SRPK2: variants seen among roughly 807,000 people sequenced by gnomAD.
The protein encoded by SRPK2 is SFRS protein kinase 2.
A neutral mutation model predicts 90.8 loss-of-function variants in SRPK2; 21 were observed. That is an observed-to-expected ratio of 0.23 (90% confidence interval 0.16 to 0.33). SRPK2 has a LOEUF of 0.33. Ranked by LOEUF, SRPK2 falls within the 10% of genes least tolerant of loss-of-function variation. The pLI, the probability that SRPK2 is intolerant of heterozygous loss-of-function variation, is 1.00. For missense variants in SRPK2, 620 were observed against 869.0 expected (o/e 0.71, Z 3.60); for synonymous variants, 288 against 311.1 (o/e 0.93, Z 0.78).
intron 2 of SRPK2, among the ~76,000 whole-genome samples, chr7:105,375,892 C>A (rs1820218624): frequency 6.6e-6 from 1 of 151,358 alleles, no homozygotes. Flanking sequence ...AGGGCAAACA[C>A]CTGTAGTCCC....
At chr7:105,342,834 G>T (rs958106910) in intron 2 of SRPK2, among the ~76,000 whole-genome samples, 1 of 152,104 alleles carries the variant, frequency 6.6e-6, no homozygotes, top group Non-Finnish European at 1.5e-5. Flanking sequence ...GAAGAGGAAA[G>T]GAGGGACAAT....
At chr7:105,364,108 A>C (rs1818745304) in intron 2 of SRPK2, among the ~76,000 whole-genome samples, 3 of 152,108 alleles carry the variant, frequency 2.0e-5, no homozygotes, top group Middle Eastern at 3.2e-3. Context: ...GGGTGCAGCA[A>C]ACCAACATGG....
intron 7 of SRPK2, among the ~76,000 whole-genome samples, chr7:105,154,997 T>C (rs1806288799): frequency 6.6e-6 from 1 of 150,546 alleles, no homozygotes; most frequent in African/African-American, 2.4e-5. Context: ...TTTGTCTGTT[T>C]GAGTCAGAAT....
Position 105,356,527 on chromosome 7 carries a change from C to T in SRPK2, c.71+32121G>A, listed in dbSNP as rs188228939. Among the ~76,000 whole-genome samples, 350 of 152,172 alleles carry T rather than the reference C, an allele frequency of 2.3e-3. 6 individuals carry two copies. The highest frequency in any genetic ancestry group is 1.4e-3 in the Non-Finnish European group (97 of 68,014). ...CAGAATGCCCAATACACAATAAATACTTAATAAATGTTACTCACTATATTA... is the reference window on the plus strand; with the variant it reads ...CAGAATGCCCAATACACAATAAATATTTAATAAATGTTACTCACTATATTA... On this transcript the variant is annotated intron_variant, in intron 2 of 15. Transcript: ENST00000393651.
At chr7:105,167,327 T>C (rs1790204754) in intron 6 of SRPK2, 50 bp downstream of exon 6, 4 of 1,493,086 alleles carry the variant, frequency 2.7e-6, no homozygotes, top group Non-Finnish European at 3.7e-6. Context: ...TTGAAATATT[T>C]TCATTTTTTA....
At chr7:105,247,926 A>C (rs1280250063) in intron 2 of SRPK2, among the ~76,000 whole-genome samples, 2 of 149,182 alleles carry the variant, frequency 1.3e-5, no homozygotes, top group African/African-American at 5.1e-5. Context: ...GCTGGAGTGC[A>C]ATGGTGCAAC....
chr7:105,286,961 A>G (rs1808183619), intron 2 of SRPK2, among the ~76,000 whole-genome samples: 1 of 152,086 alleles, frequency 6.6e-6, no homozygotes, highest in Non-Finnish European at 1.5e-5. Context: ...CATAATATAC[A>G]GCATTTGAAA....
chr7:105,211,432 G>A lies in SRPK2; in HGVS notation c.72-7647C>T, dbSNP rs1199479819. ...AGAGATTTAATTGGCTCACAGTCCTGCAGGCTATACAGGAAGAATGATGCT... is the reference window on the plus strand; with the variant it reads ...AGAGATTTAATTGGCTCACAGTCCTACAGGCTATACAGGAAGAATGATGCT... On this transcript the variant is annotated intron_variant, in intron 2 of 15. Transcript: ENST00000393651. Among the ~76,000 whole-genome samples, 3 of 152,216 alleles carry A rather than the reference G, an allele frequency of 2.0e-5. No homozygotes were observed. The East Asian group carries it at 5.8e-4, about 29-fold the overall frequency.
At chr7:105,325,484 T>G (rs1315207725) in intron 2 of SRPK2, among the ~76,000 whole-genome samples, 2 of 21,016 alleles carry the variant, frequency 9.5e-5, no homozygotes, top group Non-Finnish European at 2.2e-4. Flanking sequence ...AAACCAAGTC[T>G]TCAAAAAAAA....
At chr7:105,147,720 A>C (rs1436086346) in intron 7 of SRPK2, among the ~76,000 whole-genome samples, 7 of 152,216 alleles carry the variant, frequency 4.6e-5, no homozygotes, top group South Asian at 2.1e-4. Flanking sequence ...TCTAACCCTT[A>C]GCAACCACTA....
intron 2 of SRPK2, among the ~76,000 whole-genome samples, chr7:105,352,770 G>A (rs866693820): frequency 2.6e-5 from 4 of 152,020 alleles, no homozygotes; most frequent in South Asian, 2.1e-4. Context: ...CTGTGGTGGC[G>A]CACGCCTGTA....
intron 2 of SRPK2, among the ~76,000 whole-genome samples, chr7:105,209,135 G>C (rs547933436): frequency 6.6e-6 from 1 of 152,316 alleles, no homozygotes; most frequent in East Asian, 1.9e-4. Context: ...GCTACATTCA[G>C]AGTGAAAATT....
intron 2 of SRPK2, among the ~76,000 whole-genome samples, chr7:105,362,193 A>C (rs546228343): frequency 6.6e-6 from 1 of 152,376 alleles, no homozygotes; most frequent in Non-Finnish European, 1.5e-5. Context: ...TCTCAAAAGA[A>C]GACATTTATG....
chr7:105,338,564 A>C (rs1815392001), intron 2 of SRPK2, among the ~76,000 whole-genome samples: 1 of 152,170 alleles, frequency 6.6e-6, no homozygotes, highest in South Asian at 2.1e-4. Flanking sequence ...GCAGATTTTT[A>C]AGATAATATG....
rs549872998 is a variant in SRPK2 at position 105,205,182 on chromosome 7, C to CA, written c.72-1398dup. Among the ~76,000 whole-genome samples, 658 of 151,858 alleles carry CA rather than the reference C, an allele frequency of 4.3e-3. 3 individuals carry two copies. The highest frequency in any genetic ancestry group is 6.8e-3 in the Middle Eastern group (2 of 294). ...ACCACTAATGCATGTGGCTTGCCAACAAAAAAACCCATACGGCCACAACTG... is the reference window on the plus strand; with the variant it reads ...ACCACTAATGCATGTGGCTTGCCAACAAAAAAAACCCATACGGCCACAACTG... On this transcript the variant is annotated intron_variant, in intron 2 of 15. Coordinates refer to ENST00000393651, the MANE Select transcript of SRPK2 (RefSeq NM_182692.3).
chr7:105,198,529 G>C (rs1795184355), intron 3 of SRPK2, among the ~76,000 whole-genome samples: 2 of 152,168 alleles, frequency 1.3e-5, no homozygotes, highest in African/African-American at 4.8e-5. Flanking sequence ...ATGTAAAAAA[G>C]ATAGGCAGTG....
chr7:105,170,745 GAGGAAGGAAGGA>G (rs534732760), intron 3 of SRPK2, among the ~76,000 whole-genome samples: 5 of 45,602 alleles, frequency 1.1e-4, no homozygotes, highest in East Asian at 1.6e-3. Context: ...GGAAGAAAGG[GAGGAAGGAAGGA>G]AGGAAGGAAG....
At chr7:105,226,915 C>T (rs1255230911) in intron 2 of SRPK2, among the ~76,000 whole-genome samples, 1 of 152,110 alleles carries the variant, frequency 6.6e-6, no homozygotes, top group East Asian at 1.9e-4. Context: ...GCACTCCAGC[C>T]TGGGTGACAG....
At chr7:105,281,950 A>G (rs1654996103) in intron 2 of SRPK2, among the ~76,000 whole-genome samples, 1 of 152,194 alleles carries the variant, frequency 6.6e-6, no homozygotes. Context: ...TTGCAGACAC[A>G]AACAAGCTGA....
Sources: allele counts gnomAD v4.1 joint callset (sites outside exome capture counted in the v4.1 genomes callset), GRCh38; gene constraint gnomAD v4.1.1; transcripts MANE v1.5; gene names NCBI Gene and HGNC (gene_info 2026-07-23, HGNC 2026-07-21).